SHC4: variants seen among roughly 807,000 people sequenced by gnomAD.
SHC4 encodes SHC-transforming protein 4.
SHC4 carries 41 observed loss-of-function variants against 69.4 expected under a neutral mutation model. The observed-to-expected ratio is 0.59, with a 90% CI of 0.46 to 0.77. The LOEUF (loss-of-function observed/expected upper bound fraction) is 0.77, where lower values mean the gene tolerates loss of function less well. Among genes scored for constraint, SHC4 ranks in the 30% least tolerant of loss-of-function variants. SHC4 has a pLI of 0.00. For missense variants in SHC4, 777 were observed against 783.8 expected (o/e 0.99, Z 0.10); for synonymous variants, 318 against 299.3 (o/e 1.06, Z -0.64).
chr15:48,845,526 C>T (rs910093712), intron 9 of SHC4, among the ~76,000 whole-genome samples: 7 of 152,154 alleles, frequency 4.6e-5, no homozygotes, highest in South Asian at 2.1e-4. Flanking sequence ...TTAAACTAAA[C>T]TTGCTTTTAC....
chr15:48,836,904 A>G (rs1898909615), intron 10 of SHC4, among the ~76,000 whole-genome samples: 1 of 152,208 alleles, frequency 6.6e-6, no homozygotes, highest in Admixed American at 6.5e-5. Context: ...CTACAATCAA[A>G]TCTTTCTATT....
chr15:48,960,547 C>A (rs1901529833), intron 1 of SHC4, among the ~76,000 whole-genome samples: 1 of 152,110 alleles, frequency 6.6e-6, no homozygotes, highest in Non-Finnish European at 1.5e-5. Context: ...TTTTAGTTAC[C>A]CATTTGCCAG....
At chr15:48,878,125 G>A (rs1172557072) in intron 4 of SHC4, 2 of 1,508,208 alleles carry the variant, frequency 1.3e-6, no homozygotes, top group East Asian at 2.3e-5. Flanking sequence ...GCACGGCCGC[G>A]CAGCATCTGT....
chr15:48,869,373 A>T (rs1405515568), intron 5 of SHC4, among the ~76,000 whole-genome samples: 2 of 152,216 alleles, frequency 1.3e-5, no homozygotes, highest in Non-Finnish European at 2.9e-5. Context: ...TCTTGTAGAA[A>T]GATTACTATG....
chr15:48,851,144 A>G, intron 9 of SHC4, 44 bp downstream of exon 9: 1 of 1,595,000 alleles, frequency 6.3e-7, no homozygotes, highest in Non-Finnish European at 8.6e-7. Flanking sequence ...TAGGACTTAC[A>G]AGGAATAAGG....
chr15:48,929,108 T>A (rs1315065661), intron 1 of SHC4, among the ~76,000 whole-genome samples: 6 of 152,028 alleles, frequency 3.9e-5, no homozygotes, highest in Non-Finnish European at 8.8e-5. Context: ...GAGTGAGTCT[T>A]CCCATTGACT....
At chr15:48,902,126 C>T (rs1451372337) in intron 2 of SHC4, among the ~76,000 whole-genome samples, 1 of 151,510 alleles carries the variant, frequency 6.6e-6, no homozygotes, top group African/African-American at 2.4e-5. Flanking sequence ...TTGCTTGAGC[C>T]CGGGAGGTTA....
intron 2 of SHC4, among the ~76,000 whole-genome samples, chr15:48,910,708 G>T (rs2141016584): frequency 6.6e-6 from 1 of 152,134 alleles, no homozygotes; most frequent in African/African-American, 2.4e-5. Flanking sequence ...TTATGGCTAT[G>T]AACTTCCCTC....
At chr15:48,912,585 T>C (rs925953370) in intron 2 of SHC4, among the ~76,000 whole-genome samples, 2 of 152,234 alleles carry the variant, frequency 1.3e-5, no homozygotes, top group African/African-American at 4.8e-5. Flanking sequence ...GAATTCTTTT[T>C]CAGGTAAATC....
At chr15:48,960,728 A>T (rs1901533684) in intron 1 of SHC4, among the ~76,000 whole-genome samples, 1 of 152,184 alleles carries the variant, frequency 6.6e-6, no homozygotes, top group African/African-American at 2.4e-5. Flanking sequence ...CTAGTTTTAT[A>T]TGACTGTCTA....
At chr15:48,878,659 T>G (rs1899878440) in intron 4 of SHC4, 11 of 1,614,050 alleles carry the variant, frequency 6.8e-6, no homozygotes, top group Non-Finnish European at 9.3e-6. Context: ...AGTTAGCTTT[T>G]ATCGAAGAGC....
chr15:48,847,742 C>T (rs1319253983), intron 9 of SHC4, among the ~76,000 whole-genome samples: 3 of 152,026 alleles, frequency 2.0e-5, no homozygotes, highest in Non-Finnish European at 4.4e-5. Flanking sequence ...GTGGGTCACG[C>T]CTGTAATCCC....
At position 48,962,563 on chromosome 15, in the gene SHC4, C is replaced by T; in HGVS notation, c.453G>A (p.Val151=). 6.2e-7 allele frequency: 1 copy of T among 1,610,966 alleles called. No individual in the cohort carries two copies. The highest frequency in any genetic ancestry group is 8.5e-7 in the Non-Finnish European group (1 of 1,178,148). The change falls in exon 1 of 12, where the codon GTG becomes GTA. Residue 151 remains valine (V), a synonymous_variant. Transcript: ENST00000332408. ...GGGTTAGGGCGGTTGCCCTGTGTCC[C>T]ACCAGGTCCTGCTGCGGTGGAGGTG... ...GTAPPPQQDL[V]GHRATALTPD...
chr15:48,830,152 T>C (rs1436889919), intron 11 of SHC4, among the ~76,000 whole-genome samples: 2 of 152,226 alleles, frequency 1.3e-5, no homozygotes, highest in Non-Finnish European at 1.5e-5. Context: ...GTTTCATTAA[T>C]TTTTCATAGT....
At chr15:48,890,918 T>A in intron 2 of SHC4, 107 bp from the exon 3 acceptor site, 1 of 1,136,964 alleles carries the variant, frequency 8.8e-7, no homozygotes, top group Non-Finnish European at 1.3e-6. Context: ...ACATACATAA[T>A]AGTGAGTCTA....
chr15:48,923,790 C>A (rs973388185), intron 2 of SHC4, among the ~76,000 whole-genome samples: 2 of 151,826 alleles, frequency 1.3e-5, no homozygotes, highest in East Asian at 3.9e-4. Context: ...CTGGCATGTG[C>A]TACCGTGCCT....
intron 2 of SHC4, among the ~76,000 whole-genome samples, chr15:48,897,450 T>A (rs1177019168): frequency 6.6e-6 from 1 of 151,940 alleles, no homozygotes; most frequent in African/African-American, 2.4e-5. Flanking sequence ...ACACTTAAGT[T>A]ATAATTCTTC....
chr15:48,950,068 C>T (rs1279141866), intron 1 of SHC4, among the ~76,000 whole-genome samples: 1 of 134,342 alleles, frequency 7.4e-6, no homozygotes, highest in Non-Finnish European at 1.6e-5. Flanking sequence ...TATTAACATA[C>T]AATAAACATA....
At chr15:48,953,561 C>T (rs1901399187) in intron 1 of SHC4, among the ~76,000 whole-genome samples, 2 of 152,168 alleles carry the variant, frequency 1.3e-5, no homozygotes, top group Non-Finnish European at 2.9e-5. Context: ...TCCATCTACC[C>T]ACTCCACAGG....
Sources: gnomAD v4.1 joint callset for allele counts (sites outside exome capture counted in the v4.1 genomes callset) on GRCh38, gnomAD v4.1.1 for gene constraint, MANE v1.5 for transcripts, NCBI Gene and HGNC (gene_info 2026-07-23, HGNC 2026-07-21) for gene names.